Variants in COG5 observed in about 807,000 individuals in gnomAD.
COG5 encodes conserved oligomeric Golgi complex subunit 5.
Under a neutral mutation model 110.4 loss-of-function variants are expected in COG5, and 86 were observed. The ratio of observed to expected loss-of-function variants is 0.78; its 90% CI spans 0.65 to 0.93. COG5 has a LOEUF of 0.93. Among genes scored for constraint, COG5 ranks in the 40% least tolerant of loss-of-function variants. The probability of loss-of-function intolerance (pLI) is 0.00; values close to 1 mark genes in which losing one functional copy is unlikely to be tolerated. For missense variants in COG5, 1,077 were observed against 987.0 expected (o/e 1.09, Z -1.22); for synonymous variants, 360 against 334.6 (o/e 1.08, Z -0.83).
chr7:107,474,761 T>C lies in COG5; in HGVS notation c.538+52476A>G. On this transcript the variant is annotated intron_variant, in intron 6 of 21. Transcript: ENST00000297135. The surrounding 1 kb of genome is among the most constrained non-coding windows in gnomAD (Gnocchi z 5.7). The stretch of plus-strand genomic sequence containing the variant: ...GTAATGTTAATCACATACACCAAAA[T>C]ACTTCAGGCTCTTAATATTCGAATA... 1.2e-6 allele frequency: 2 copies of C among 1,611,078 alleles called. No homozygotes were observed. Among genetic ancestry groups the C allele is most frequent in the South Asian group, 1.1e-5 (1 of 90,686 alleles).
At chr7:107,410,441 T>C (rs762608308) in intron 7 of COG5, among the ~76,000 whole-genome samples, 8 of 151,908 alleles carry the variant, frequency 5.3e-5, no homozygotes, top group Non-Finnish European at 1.0e-4. Flanking sequence ...GACTGATGGG[T>C]TCATTTTGTT....
rs749449785 is a variant in COG5 at position 107,563,801 on chromosome 7, A to G, written c.94+2T>C. 2 of 1,613,814 alleles carry G rather than the reference A, an allele frequency of 1.2e-6. No homozygotes were observed. Among genetic ancestry groups the G allele is most frequent in the Non-Finnish European group, 1.7e-6 (2 of 1,179,858 alleles). On this transcript the variant is annotated splice_donor_variant, in intron 1 of 21. Transcript: ENST00000297135. LOFTEE classifies it high-confidence loss of function. ...CGACCTGGTCAGACCCCGTCTCCTT[A>G]CCGTCCTGCAGAAGTTCCCGGACTG...
chr7:107,239,891 T>C (rs1042782932), intron 17 of COG5, among the ~76,000 whole-genome samples: 1 of 152,216 alleles, frequency 6.6e-6, no homozygotes, highest in African/African-American at 2.4e-5. Flanking sequence ...TGTGGCCAAA[T>C]AGAAGAATTA....
At chr7:107,223,942 G>C (rs1247551856) in intron 19 of COG5, among the ~76,000 whole-genome samples, 1 of 152,190 alleles carries the variant, frequency 6.6e-6, no homozygotes, top group African/African-American at 2.4e-5. Context: ...AATAATAGTT[G>C]TCAGAAATTA....
chr7:107,323,997 G>A (rs180937126), intron 11 of COG5, among the ~76,000 whole-genome samples: 23 of 152,148 alleles, frequency 1.5e-4, no homozygotes, highest in African/African-American at 5.1e-4. Context: ...TTTAATTCAC[G>A]ATGTAGATAT....
Position 107,428,645 on chromosome 7 carries a change from A to C in COG5, c.539-16013T>G, listed in dbSNP as rs572390840. ...TTGTTTTAAGGCACTCAGTTTGAGT[A>C]ATGTGCTGCAGTAGCCCTAGGAAAC... is the stretch of plus-strand genomic sequence containing the variant. On this transcript the variant is annotated intron_variant, in intron 6 of 21. Transcript: ENST00000297135. 2.9e-4 allele frequency among the ~76,000 whole-genome samples: 44 copies of C among 152,360 alleles called. 1 individual carries two copies. The highest frequency in any genetic ancestry group is 8.2e-4 in the African/African-American group (34 of 41,592).
chr7:107,429,908 C>T (rs1481595181), intron 6 of COG5, among the ~76,000 whole-genome samples: 1 of 152,172 alleles, frequency 6.6e-6, no homozygotes, highest in East Asian at 1.9e-4. Flanking sequence ...AAATTGCTCA[C>T]TCTTGGGTAT....
chr7:107,356,358 A>G (rs1340780026), intron 10 of COG5, among the ~76,000 whole-genome samples: 1 of 152,210 alleles, frequency 6.6e-6, no homozygotes, highest in Non-Finnish European at 1.5e-5. Flanking sequence ...CAAAGAAAAC[A>G]TATCTATTAA....
chr7:107,328,472 A>C (rs1438561280), intron 10 of COG5, among the ~76,000 whole-genome samples: 3 of 152,236 alleles, frequency 2.0e-5, no homozygotes, highest in Non-Finnish European at 4.4e-5. Flanking sequence ...ATATGCTACA[A>C]TATGAATGAA....
intron 11 of COG5, among the ~76,000 whole-genome samples, chr7:107,300,160 C>G (rs573249065): frequency 6.6e-6 from 1 of 152,050 alleles, no homozygotes; most frequent in African/African-American, 2.4e-5. Flanking sequence ...TCTCAGTCAA[C>G]TAGGAACAGA....
At chr7:107,554,518 C>A (rs559431738) in intron 2 of COG5, among the ~76,000 whole-genome samples, 176 bp from the exon 3 acceptor site, 51 of 151,918 alleles carry the variant, frequency 3.4e-4, no homozygotes, top group African/African-American at 1.2e-3. Context: ...AACACACATA[C>A]ATTTACAGTT....
intron 6 of COG5, among the ~76,000 whole-genome samples, chr7:107,521,825 A>C (rs1800338295): frequency 6.6e-6 from 1 of 152,262 alleles, no homozygotes; most frequent in Non-Finnish European, 1.5e-5. Context: ...GTAAAGACAC[A>C]TGCACATGTA....
chr7:107,457,053 T>C (rs1488011033), intron 6 of COG5, among the ~76,000 whole-genome samples: 1 of 152,112 alleles, frequency 6.6e-6, no homozygotes, highest in Non-Finnish European at 1.5e-5. Flanking sequence ...TCCAACAACA[T>C]GACCAGCACC....
Position 107,362,044 on chromosome 7 carries a change from C to T in COG5, c.1015G>A (p.Glu339Lys). 6.2e-7 allele frequency: 1 copy of T among 1,600,854 alleles called. No individual in the cohort carries two copies. Among genetic ancestry groups the T allele is most frequent in the Non-Finnish European group, 8.6e-7 (1 of 1,169,250 alleles). The change falls in exon 10 of 22, where the codon GAA becomes AAA. Residue 339 changes from glutamate to lysine, a missense_variant. Coordinates refer to ENST00000297135, the MANE Select transcript of COG5 (RefSeq NM_006348.5). ...DPVSHICFIE[E>K]IVKDGQPEIF... ...TCCTTTAAACATACCTTAACTATTTCTTCAATGAAACAAATGTGAGAAACA... is the reference window on the plus strand; with the variant it reads ...TCCTTTAAACATACCTTAACTATTTTTTCAATGAAACAAATGTGAGAAACA...
At chr7:107,314,693 G>A (rs1361766815) in intron 11 of COG5, among the ~76,000 whole-genome samples, 1 of 152,012 alleles carries the variant, frequency 6.6e-6, no homozygotes, top group East Asian at 1.9e-4. Context: ...AGGTTGCAGT[G>A]AGCCAAGATC....
chr7:107,396,116 C>G (rs147072815), intron 7 of COG5, among the ~76,000 whole-genome samples: 1 of 152,084 alleles, frequency 6.6e-6, no homozygotes, highest in Admixed American at 6.5e-5. Context: ...GTTACACACA[C>G]GTAACACTTT....
At chr7:107,531,287 G>C (rs1439741272) in intron 5 of COG5, among the ~76,000 whole-genome samples, 2 of 151,986 alleles carry the variant, frequency 1.3e-5, no homozygotes, top group African/African-American at 4.8e-5. Context: ...AGCTTCATCA[G>C]ATTTAAGTTT....
chr7:107,330,297 A>G (rs1294523613), intron 10 of COG5, among the ~76,000 whole-genome samples: 2 of 152,220 alleles, frequency 1.3e-5, no homozygotes, highest in Non-Finnish European at 1.5e-5. Context: ...AGGCCACATA[A>G]GCTGATAATA....
At chr7:107,472,612 A>AAAAT (rs1257130558) in intron 6 of COG5, 4 of 151,946 alleles carry the variant, frequency 2.6e-5, no homozygotes, top group Non-Finnish European at 5.9e-5. Flanking sequence ...TTTTTATAGG[A>AAAAT]TTTCAATGTT....
Sources: gnomAD v4.1 joint callset for allele counts (sites outside exome capture counted in the v4.1 genomes callset) on GRCh38, gnomAD v4.1.1 for gene constraint, Gnocchi (gnomAD v3.1) non-coding constraint, MANE v1.5 for transcripts, NCBI Gene and HGNC (gene_info 2026-07-23, HGNC 2026-07-21) for gene names.